Variants in KIF5A observed in about 807,000 individuals in gnomAD.
The protein encoded by KIF5A is kinesin family member 5A, also known as kinesin heavy chain isoform 5A.
KIF5A carries 35 observed loss-of-function variants against 141.3 expected under a neutral mutation model. The ratio of observed to expected loss-of-function variants is 0.25; its 90% confidence interval spans 0.19 to 0.33. The LOEUF is 0.33. Among genes scored for constraint, KIF5A ranks in the 10% least tolerant of loss-of-function variants. The pLI is 1.00. For missense variants in KIF5A, 861 were observed against 1,314.3 expected (o/e 0.66, Z 5.33); for synonymous variants, 448 against 500.2 (o/e 0.90, Z 1.39).
In KIF5A at chr12:57,555,540, G is replaced by A. The variant is rs1347252021; in HGVS notation, c.129+5140G>A. Among the ~76,000 whole-genome samples the A allele has an allele frequency of 2.2e-4, 31 of 142,058 alleles. No individual in the cohort carries two copies. In the East Asian group the frequency reaches 2.2e-3, roughly 10 times the overall value. 93.2% of individuals were successfully genotyped at this position (142,058 alleles called of 152,430 possible). A position where few individuals can be genotyped will look rare whatever the true frequency, so the allele number is the denominator to read the frequency against. On this transcript the variant is annotated intron_variant, in intron 1 of 28. Transcript: ENST00000455537. ...TGGGAGGCGGAGGTTGCAGTGAGCC[G>A]AGATCTTGCCACTGCACTCCAGCCT... is the stretch of plus-strand genomic sequence containing the variant.
intron 1 of KIF5A, among the ~76,000 whole-genome samples, chr12:57,554,994 A>C (rs920705801): frequency 6.6e-6 from 1 of 152,188 alleles, no homozygotes; most frequent in Admixed American, 6.5e-5. Context: ...TCCAAACTAC[A>C]TCAGCATCCT....
Position 57,585,485 on chromosome 12 carries a change from G to C in KIF5A, c.*1304G>C, listed in dbSNP as rs1470857825. On this transcript the variant is annotated 3_prime_UTR_variant, in exon 29 of 29. Coordinates refer to ENST00000455537, the MANE Select transcript of KIF5A (RefSeq NM_004984.4). Reference sequence around the variant, plus strand: ...GAAGAGGACTGTTGTTTTAGTTTCAGACGGTCCTTTCCTTCCACATGGTGC... The same window carrying C: ...GAAGAGGACTGTTGTTTTAGTTTCACACGGTCCTTTCCTTCCACATGGTGC... 1.3e-5 allele frequency: 2 copies of C among 154,440 alleles called. No individual in the cohort carries two copies. Among genetic ancestry groups the C allele is most frequent in the Non-Finnish European group, 2.9e-5 (2 of 68,244 alleles). The allele number at this position is 154,440 out of a possible 1,614,324, so 9.6% of individuals were successfully genotyped here.
chr12:57,563,810 G>A (rs1881983048), intron 3 of KIF5A, 117 bp downstream of exon 3: 2 of 958,064 alleles, frequency 2.1e-6, no homozygotes, highest in South Asian at 1.3e-5. Flanking sequence ...AGATAGATGA[G>A]TACAGAGGAT....
chr12:57,579,504 T>G (rs981381247), intron 23 of KIF5A, among the ~76,000 whole-genome samples: 6 of 149,946 alleles, frequency 4.0e-5, no homozygotes, highest in Non-Finnish European at 7.4e-5. Context: ...ATTCAGTACT[T>G]TTTTTTTTCT....
chr12:57,575,531 A>C (rs1882394720), intron 16 of KIF5A, 109 bp from the exon 17 acceptor site: 1 of 988,972 alleles, frequency 1.0e-6, no homozygotes, highest in Non-Finnish European at 1.6e-6. Context: ...CCTCATGGGA[A>C]GTGTAGCAGG....
At chr12:57,568,871 C>T in intron 8 of KIF5A, 92 bp from the exon 9 acceptor site, 1 of 818,972 alleles carries the variant, frequency 1.2e-6, no homozygotes. Flanking sequence ...CTGTTCCTTC[C>T]TTCCTCCGTG....
rs1276562220 is a variant in KIF5A at position 57,558,256 on chromosome 12, TTC to T, written c.130-5181_130-5180del. ...CCCATCTCTACTAAAAATATAAAAA[TTC>T]TGGCTGGGTGCAGTGGCTCACACCT... On this transcript the variant is annotated intron_variant, in intron 1 of 28. Transcript: ENST00000455537. Among the ~76,000 whole-genome samples, 75 of 151,270 alleles carry T rather than the reference TTC, an allele frequency of 5.0e-4. 2 individuals are homozygous for T. The East Asian group carries it at 0.011, about 23-fold the overall frequency.
intron 27 of KIF5A, 187 bp downstream of exon 27, chr12:57,582,816 C>T: frequency 1.5e-6 from 1 of 657,350 alleles, no homozygotes. Context: ...AGAATATCTC[C>T]CCTCCTCCAA....
rs757347695 is a variant in KIF5A at position 57,575,699 on chromosome 12, G to T, written c.1965G>T (p.Arg655=). The T allele has an allele frequency of 6.2e-7, 1 of 1,614,196 alleles. No homozygotes were observed. Among genetic ancestry groups the T allele is most frequent in the Non-Finnish European group, 8.5e-7 (1 of 1,180,040 alleles). Residue 655 remains arginine, a synonymous_variant, in exon 17 of 29, where the codon CGG becomes CGT. Coordinates refer to ENST00000455537, the MANE Select transcript of KIF5A (RefSeq NM_004984.4). The stretch of plus-strand genomic sequence containing the variant: ...TGCAGAGCGTGGAGCTAAAGAAGCG[G>T]CACCTGGAAGAGTCCTATGACTCCT... ...EYMQSVELKK[R]HLEESYDSLS... is the part of the protein sequence containing the mutation.
In KIF5A at chr12:57,584,941, T is replaced by G. The variant is rs1040482610; in HGVS notation, c.*760T>G. 1 of 152,160 alleles carries G rather than the reference T, an allele frequency of 6.6e-6. No individual in the cohort carries two copies. The highest frequency in any genetic ancestry group is 1.5e-5 in the Non-Finnish European group (1 of 68,050). The allele number at this position is 152,160 out of a possible 1,614,324, so 9.4% of individuals were successfully genotyped here. On this transcript the variant is annotated 3_prime_UTR_variant, in exon 29 of 29. Coordinates refer to ENST00000455537, the MANE Select transcript of KIF5A (RefSeq NM_004984.4). ...TTGATATTCCCTGCCCCAGAGCTCA[T>G]GACCAGAACCCAGAGCTGATTTAAA... is the stretch of plus-strand genomic sequence containing the variant.
Position 57,576,315 on chromosome 12 carries a change from G to A in KIF5A, c.2135G>A (p.Arg712Gln), listed in dbSNP as rs373969485. The A allele has an allele frequency of 1.8e-5, 29 of 1,613,924 alleles. No individual in the cohort carries two copies. The highest frequency in any genetic ancestry group is 2.0e-5 in the Non-Finnish European group (24 of 1,179,960). ...QMESHREAHH[R>Q]QLARLRDEIN... ...GAGAGTCACCGGGAGGCCCATCACC[G>A]GCAGCTGGCCCGGCTCCGGGACGAG... Residue 712 changes from arginine to glutamine, a missense_variant, in exon 19 of 29, where the codon CGG (arginine) becomes CAG (glutamine). By Grantham distance (43) the Arg-to-Gln change is conservative. This residue lies in a region of KIF5A where 482 missense variants were observed against 661.3 expected (regional missense o/e 0.73). Coordinates refer to ENST00000455537, the MANE Select transcript of KIF5A (RefSeq NM_004984.4).
In KIF5A at chr12:57,563,630, T is replaced by C. The variant is rs774386161; in HGVS notation, c.228T>C (p.Ala76=). ...CAMQIVKDVL[A]GYNGTIFAYG... ...TACTGTCTCTTCCAGATGTCCTTGC[T>C]GGCTACAATGGCACCATTTTTGCTT... is the stretch of plus-strand genomic sequence containing the variant. Residue 76 remains alanine, a synonymous_variant, in exon 3 of 29, where the codon GCT becomes GCC. Transcript: ENST00000455537. The C allele has an allele frequency of 6.2e-7, 1 of 1,614,174 alleles. No individual in the cohort carries two copies. Among genetic ancestry groups the C allele is most frequent in the South Asian group, 1.1e-5 (1 of 91,090 alleles).
Position 57,550,500 on chromosome 12 carries a change from C to T in KIF5A, c.129+100C>T. On this transcript the variant is annotated intron_variant, in intron 1 of 28. Transcript: ENST00000455537. This position sits in a 1 kb window ranked among gnomAD's most constrained non-coding sequence, Gnocchi z 4.6. ...CTCTGCTGGTCCCTTTGCTCCCCCT[C>T]CCCGCCGCTCATCCTTCATCCTCTT... The T allele has an allele frequency of 1.6e-6, 2 of 1,239,938 alleles. No individual in the cohort carries two copies. Among genetic ancestry groups the T allele is most frequent in the Non-Finnish European group, 2.3e-6 (2 of 870,188 alleles). The allele number at this position is 1,239,938 out of a possible 1,614,324, so 76.8% of individuals were successfully genotyped here. A position where few individuals can be genotyped will look rare whatever the true frequency, so the allele number is the denominator to read the frequency against.
chr12:57,569,914 T>C (rs1472240766), intron 11 of KIF5A, 73 bp from the exon 12 acceptor site: 22 of 1,538,288 alleles, frequency 1.4e-5, no homozygotes, highest in Non-Finnish European at 1.9e-5. Flanking sequence ...AGGGGCATGG[T>C]GAGTGAGAAG....
chr12:57,564,524 C>A lies in KIF5A; in HGVS notation c.445+16C>A. 3 of 1,598,960 alleles carry A rather than the reference C, an allele frequency of 1.9e-6. No individual in the cohort carries two copies. Among genetic ancestry groups the A allele is most frequent in the Non-Finnish European group, 2.6e-6 (3 of 1,166,568 alleles). On this transcript the variant is annotated intron_variant, in intron 5 of 28. Transcript: ENST00000455537. The stretch of plus-strand genomic sequence containing the variant: ...CTTCTGGATGGTGAGTGTTTTGTCC[C>A]AGTGGATGAGGGTGTGTGAGGAGGG...
chr12:57,582,433 T>G (rs1173539791), intron 26 of KIF5A, among the ~76,000 whole-genome samples, 169 bp from the exon 27 acceptor site: 1 of 152,152 alleles, frequency 6.6e-6, no homozygotes, highest in African/African-American at 2.4e-5. Flanking sequence ...GCAGAAACTT[T>G]TTCTCGAACA....
Position 57,569,524 on chromosome 12 carries a change from TC to T in KIF5A, c.969-9del, listed in dbSNP as rs1882178825. 3.1e-6 allele frequency: 5 copies of T among 1,613,796 alleles called. No homozygotes were observed. The Admixed American group carries it at 8.3e-5, about 27-fold the overall frequency. Reference sequence around the variant, plus strand: ...TGCTCTCATTTCTTTGTTCCTCTTCTCCTCACCCAGGGCAAAGACCATTAAG... The same window carrying T: ...TGCTCTCATTTCTTTGTTCCTCTTCTCTCACCCAGGGCAAAGACCATTAAG... On this transcript the variant is annotated splice_polypyrimidine_tract_variant and intron_variant, in intron 10 of 28. Coordinates refer to ENST00000455537, the MANE Select transcript of KIF5A (RefSeq NM_004984.4).
chr12:57,581,193 A>T (rs1882586114), intron 24 of KIF5A, 21 bp downstream of exon 24: 1 of 1,608,764 alleles, frequency 6.2e-7, no homozygotes, highest in Non-Finnish European at 8.5e-7. Context: ...GTTAGCAGGC[A>T]AGGTGGGAGT....
chr12:57,578,454 G>T, intron 23 of KIF5A, 112 bp downstream of exon 23: 2 of 758,328 alleles, frequency 2.6e-6, no homozygotes, highest in Non-Finnish European at 2.3e-6. Context: ...TTTCCTTACT[G>T]TTCGCTTTTA....
Sources: gnomAD v4.1 joint callset for allele counts (sites outside exome capture counted in the v4.1 genomes callset) on GRCh38, gnomAD v4.1.1 for gene constraint, gnomAD v4.1.1 regional missense constraint, Gnocchi (gnomAD v3.1) non-coding constraint, MANE v1.5 for transcripts, NCBI Gene and HGNC (gene_info 2026-07-23, HGNC 2026-07-21) for gene names.